TMEM65: variants seen among roughly 807,000 people sequenced by gnomAD.
The protein encoded by TMEM65 is transmembrane protein 65.
In TMEM65, 22 loss-of-function variants were observed where a neutral mutation model predicts 25.4. The observed-to-expected ratio is 0.86, with a 90% CI of 0.62 to 1.23. TMEM65 has a LOEUF of 1.23. TMEM65 is among the 50% of genes most tolerant of loss of function. The pLI is 0.00. For synonymous variants in TMEM65, 132 were observed against 126.2 expected, an observed-to-expected ratio of 1.05 and a Z score of -0.31; for missense variants, 262 against 308.2, an observed-to-expected ratio of 0.85 and a Z score of 1.12.
intron 1 of TMEM65, among the ~76,000 whole-genome samples, chr8:124,365,975 C>T (rs1355433712): frequency 6.6e-6 from 1 of 152,162 alleles, no homozygotes; most frequent in Non-Finnish European, 1.5e-5. Context: ...AATCTCAGCA[C>T]TTTGGGAGGC....
chr8:124,362,244 C>T (rs968477418), intron 1 of TMEM65, among the ~76,000 whole-genome samples: 5 of 151,774 alleles, frequency 3.3e-5, no homozygotes, highest in Non-Finnish European at 5.9e-5. Flanking sequence ...TGTGTATTTG[C>T]TGAGAAAAAA....
At chr8:124,341,536 C>G (rs1342535384) in intron 1 of TMEM65, among the ~76,000 whole-genome samples, 2 of 151,968 alleles carry the variant, frequency 1.3e-5, no homozygotes, top group African/African-American at 4.8e-5. Context: ...GGTAATTGAT[C>G]TAGGAAACAG....
intron 1 of TMEM65, among the ~76,000 whole-genome samples, chr8:124,337,183 T>C (rs997176256): frequency 6.6e-6 from 1 of 151,770 alleles, no homozygotes; most frequent in African/African-American, 2.4e-5. Context: ...GATGGTTTCA[T>C]TGATGAATTT....
intron 4 of TMEM65, 84 bp from the exon 5 acceptor site, chr8:124,322,231 A>C: frequency 1.9e-6 from 2 of 1,037,712 alleles, no homozygotes; most frequent in Non-Finnish European, 2.8e-6. Flanking sequence ...TGATCTTGGA[A>C]GAGTTCTCAT....
chr8:124,363,243 T>C (rs562445765), intron 1 of TMEM65, among the ~76,000 whole-genome samples: 19 of 152,286 alleles, frequency 1.2e-4, no homozygotes, highest in South Asian at 1.2e-3. Context: ...GGAAGCATTG[T>C]CAAATAAGAA....
intron 1 of TMEM65, among the ~76,000 whole-genome samples, chr8:124,358,923 G>A (rs888563783): frequency 6.6e-6 from 1 of 152,178 alleles, no homozygotes; most frequent in Non-Finnish European, 1.5e-5. Flanking sequence ...TGAGCTATCT[G>A]AGTTTGAGCA....
intron 1 of TMEM65, among the ~76,000 whole-genome samples, chr8:124,340,521 AGTC>A (rs1245783808): frequency 8.1e-6 from 1 of 124,212 alleles, no homozygotes; most frequent in East Asian, 2.9e-4. Context: ...ATATCTTCAC[AGTC>A]ATTAACATTA....
intron 1 of TMEM65, among the ~76,000 whole-genome samples, chr8:124,351,767 C>T (rs1250963517): frequency 6.6e-6 from 1 of 152,136 alleles, no homozygotes; most frequent in Non-Finnish European, 1.5e-5. Context: ...CATAAGTTCA[C>T]CTTCCCTAAC....
intron 6 of TMEM65, 131 bp downstream of exon 6, chr8:124,319,955 A>T: frequency 1.7e-6 from 1 of 579,560 alleles, no homozygotes. Flanking sequence ...GAAAACTGCC[A>T]ACGTCTAGAC....
chr8:124,362,113 A>G (rs1039315914), intron 1 of TMEM65, among the ~76,000 whole-genome samples: 1 of 151,812 alleles, frequency 6.6e-6, no homozygotes, highest in Non-Finnish European at 1.5e-5. Context: ...GCTGGTCTTA[A>G]ACTCCTGACC....
intron 1 of TMEM65, among the ~76,000 whole-genome samples, chr8:124,370,100 A>C (rs904369781): frequency 5.3e-5 from 8 of 152,310 alleles, no homozygotes; most frequent in African/African-American, 1.9e-4. Flanking sequence ...GGTCCTTTTC[A>C]GAATATTTAA....
chr8:124,337,222 A>G (rs934451462), intron 1 of TMEM65, among the ~76,000 whole-genome samples: 12 of 151,962 alleles, frequency 7.9e-5, no homozygotes, highest in African/African-American at 2.9e-4. Flanking sequence ...AAAAACATCA[A>G]TCCTACAAAC....
intron 1 of TMEM65, among the ~76,000 whole-genome samples, chr8:124,353,452 T>A (rs183680360): frequency 6.6e-6 from 1 of 152,064 alleles, no homozygotes; most frequent in Non-Finnish European, 1.5e-5. Context: ...TAAAGACACA[T>A]AGAACTATAA....
At chr8:124,367,352 T>C (rs1814952031) in intron 1 of TMEM65, among the ~76,000 whole-genome samples, 2 of 152,116 alleles carry the variant, frequency 1.3e-5, no homozygotes, top group South Asian at 4.2e-4. Flanking sequence ...TGCATGTCTG[T>C]AATCCCAGCT....
intron 1 of TMEM65, among the ~76,000 whole-genome samples, chr8:124,350,387 G>T (rs1393727282): frequency 6.6e-6 from 1 of 151,146 alleles, no homozygotes; most frequent in Non-Finnish European, 1.5e-5. Flanking sequence ...GGGACAGAGA[G>T]ATATTTGTTT....
At position 124,314,021 on chromosome 8, in the gene TMEM65, A is replaced by G. The variant is rs563787478; in HGVS notation, c.662T>C (p.Met221Thr). The G allele has an allele frequency of 7.4e-6, 12 of 1,613,580 alleles. No homozygotes were observed. In the Admixed American group the frequency reaches 1.7e-4, roughly 22 times the overall value. ...VGVTIGCILG[M>T]FPLIFFGGGE... Reference sequence around the variant, plus strand: ...TCCTCCAAAGAAAATTAAAGGAAACATTCCTAGAATGCAGCCAATAGTCAC... The same window carrying G: ...TCCTCCAAAGAAAATTAAAGGAAACGTTCCTAGAATGCAGCCAATAGTCAC... The change falls in exon 7 of 7, where the codon ATG becomes ACG. Residue 221 changes from methionine to threonine, a missense_variant. By Grantham distance (81) the Met-to-Thr change is moderately conservative (BLOSUM62 -1). Transcript: ENST00000297632.
In TMEM65 at chr8:124,313,943, T is replaced by G; in HGVS notation, c.*17A>C. The G allele has an allele frequency of 6.5e-7, 1 of 1,545,370 alleles. No homozygotes were observed. Among genetic ancestry groups the G allele is most frequent in the Non-Finnish European group, 8.9e-7 (1 of 1,120,256 alleles). On this transcript the variant is annotated 3_prime_UTR_variant, in exon 7 of 7. Coordinates refer to ENST00000297632, the MANE Select transcript of TMEM65 (RefSeq NM_194291.3). ...AGGTACATTAGTTTACATCTTTTTATAGGTATTCTAAGAGGATTAACTTTT... is the reference window on the plus strand; with the variant it reads ...AGGTACATTAGTTTACATCTTTTTAGAGGTATTCTAAGAGGATTAACTTTT...
At chr8:124,356,635 T>C (rs1269896241) in intron 1 of TMEM65, among the ~76,000 whole-genome samples, 1 of 152,190 alleles carries the variant, frequency 6.6e-6, no homozygotes, top group Non-Finnish European at 1.5e-5. Context: ...TTATTAAATC[T>C]AATGGACCCC....
In TMEM65 at chr8:124,372,244, G is replaced by T; in HGVS notation, c.-87C>A. The T allele has an allele frequency of 8.6e-7, 1 of 1,163,312 alleles. No homozygotes were observed. The highest frequency in any genetic ancestry group is 1.1e-6 in the Non-Finnish European group (1 of 934,770). The allele number at this position is 1,163,312 out of a possible 1,614,324, so 72.1% of individuals were successfully genotyped here. ...GGCGAGAAGGAGCTGGGCTCAGCTCGACCCCGCCCCGAGGTCCTCCTGCCA... is the reference window on the plus strand; with the variant it reads ...GGCGAGAAGGAGCTGGGCTCAGCTCTACCCCGCCCCGAGGTCCTCCTGCCA... On this transcript the variant is annotated 5_prime_UTR_variant, in exon 1 of 7. The change creates a premature stop within an existing upstream ORF in the 5' untranslated region. Transcript: ENST00000297632.
Sources: allele counts gnomAD v4.1 joint callset (sites outside exome capture counted in the v4.1 genomes callset), GRCh38; gene constraint gnomAD v4.1.1; transcripts MANE v1.5; gene names NCBI Gene and HGNC (gene_info 2026-07-23, HGNC 2026-07-21).